PRPF38A: variants seen among roughly 807,000 people sequenced by gnomAD.
The protein encoded by PRPF38A is pre-mRNA processing factor 38A.
PRPF38A carries 11 observed loss-of-function variants against 46.8 expected under a neutral mutation model. The observed-to-expected ratio is 0.24, with a 90% CI of 0.15 to 0.39. The LOEUF is 0.39. Among genes scored for constraint, PRPF38A ranks in the 10% least tolerant of loss-of-function variants. The probability of loss-of-function intolerance (pLI) is 1.00; values close to 1 mark genes in which losing one functional copy is unlikely to be tolerated. For missense variants in PRPF38A, 261 were observed against 407.5 expected (o/e 0.64, Z 3.10); for synonymous variants, 124 against 136.2 (o/e 0.91, Z 0.62).
intron 9 of PRPF38A, among the ~76,000 whole-genome samples, chr1:52,415,609 C>T (rs1298087712): frequency 2.0e-5 from 3 of 152,050 alleles, no homozygotes; most frequent in African/African-American, 4.8e-5. Context: ...AGTGCAGTGG[C>T]GTGAACCTGG....
At position 52,418,879 on chromosome 1, in the gene PRPF38A, T is replaced by TA. The variant is rs765345285; in HGVS notation, c.*2190dup. Reference sequence around the variant, plus strand: ...GAGACAAATTTCAGGAAAGAATACTTACTATGCAAAGTGAATTCTGGTGTT... The same window carrying TA: ...GAGACAAATTTCAGGAAAGAATACTTAACTATGCAAAGTGAATTCTGGTGTT... On this transcript the variant is annotated 3_prime_UTR_variant, in exon 10 of 10. Transcript: ENST00000257181. 2.6e-5 allele frequency: 4 copies of TA among 152,262 alleles called. No individual in the cohort carries two copies. The South Asian group carries it at 6.2e-4, about 24-fold the overall frequency. The allele number at this position is 152,262 out of a possible 1,614,324, so 9.4% of individuals were successfully genotyped here.
At chr1:52,408,086 C>A (rs1342201044) in intron 2 of PRPF38A, among the ~76,000 whole-genome samples, 1 of 149,806 alleles carries the variant, frequency 6.7e-6, no homozygotes, top group South Asian at 2.1e-4. Flanking sequence ...AATAAAAATA[C>A]AAAAATTAGC....
intron 5 of PRPF38A, among the ~76,000 whole-genome samples, chr1:52,413,052 G>A (rs965991358): frequency 3.0e-4 from 46 of 152,166 alleles, no homozygotes; most frequent in African/African-American, 1.1e-3. Context: ...CTTATTAAAA[G>A]CACCTCAGCT....
intron 2 of PRPF38A, chr1:52,408,355 T>C: frequency 1.5e-6 from 1 of 684,818 alleles, no homozygotes; most frequent in Non-Finnish European, 2.7e-6. Context: ...ATATGTATGA[T>C]GTTCCCACAG....
rs138872234 is a variant in PRPF38A at position 52,413,040 on chromosome 1, T to A, written c.609+416T>A. On this transcript the variant is annotated intron_variant, in intron 5 of 9. Transcript: ENST00000257181. Reference sequence around the variant, plus strand: ...TCTAACTCTAGCCAAAAACAATATTTCCTTATTAAAAGCACCTCAGCTCTG... The same window carrying A: ...TCTAACTCTAGCCAAAAACAATATTACCTTATTAAAAGCACCTCAGCTCTG... 6.1e-3 allele frequency among the ~76,000 whole-genome samples: 929 copies of A among 152,290 alleles called. 11 individuals carry two copies. Among genetic ancestry groups the A allele is most frequent in the African/African-American group, 0.022 (898 of 41,550 alleles).
Position 52,416,921 on chromosome 1 carries a change from G to C in PRPF38A, c.*231G>C. The C allele has an allele frequency of 3.9e-6, 2 of 513,588 alleles. No homozygotes were observed. Among genetic ancestry groups the C allele is most frequent in the African/African-American group, 1.9e-5 (1 of 52,002 alleles). The allele number at this position is 513,588 out of a possible 1,614,324, so 31.8% of individuals were successfully genotyped here. A position where few individuals can be genotyped will look rare whatever the true frequency, so the allele number is the denominator to read the frequency against. On this transcript the variant is annotated 3_prime_UTR_variant, in exon 10 of 10. Transcript: ENST00000257181. The stretch of plus-strand genomic sequence containing the variant: ...CTTGACTGTATTCAAACTTATGAGA[G>C]TATAAAGGATCTGGAGGTTGGGGAT...
chr1:52,406,442 CAG>C (rs1648000481), intron 2 of PRPF38A, among the ~76,000 whole-genome samples: 1 of 152,174 alleles, frequency 6.6e-6, no homozygotes, highest in East Asian at 1.9e-4. Flanking sequence ...ACTGGACGCT[CAG>C]GGGTGAAAAT....
chr1:52,411,047 T>C, intron 3 of PRPF38A, 68 bp from the exon 4 acceptor site: 1 of 1,143,158 alleles, frequency 8.7e-7, no homozygotes, highest in Non-Finnish European at 1.3e-6. Flanking sequence ...GTCTTAACAC[T>C]TCTTTTACTT....
At position 52,414,521 on chromosome 1, in the gene PRPF38A, G is replaced by C. The variant is rs1648235685; in HGVS notation, c.723-100G>C. ...ACAAAAGACATGGATACAGAGGTGG[G>C]TGATACAGAGAAGCGTGAAGGATAA... is the stretch of plus-strand genomic sequence containing the variant. On this transcript the variant is annotated intron_variant, in intron 6 of 9. Coordinates refer to ENST00000257181, the MANE Select transcript of PRPF38A (RefSeq NM_032864.4). 6.6e-6 allele frequency: 8 copies of C among 1,217,492 alleles called. No individual in the cohort carries two copies. The South Asian group carries it at 1.0e-4, about 15-fold the overall frequency. 75.4% of individuals were successfully genotyped at this position (1,217,492 alleles called of 1,614,324 possible).
chr1:52,416,100 A>C (rs2147960026), intron 9 of PRPF38A, among the ~76,000 whole-genome samples: 1 of 151,964 alleles, frequency 6.6e-6, no homozygotes, highest in Admixed American at 6.5e-5. Flanking sequence ...CGGTCTCCCA[A>C]AGTGCTGGGA....
rs1252357131 is a variant in PRPF38A, at chr1:52,408,563, T to C, written c.291-6T>C. The stretch of plus-strand genomic sequence containing the variant: ...GCCTGTTGTTTCACTGTCATCTGTC[T>C]CTCAGGTATGTCCGCATGCTGGGGG... On this transcript the variant is annotated splice_region_variant and splice_polypyrimidine_tract_variant and intron_variant, in intron 2 of 9. Transcript: ENST00000257181. 1.2e-6 allele frequency: 2 copies of C among 1,614,152 alleles called. No individual in the cohort carries two copies. Among genetic ancestry groups the C allele is most frequent in the Non-Finnish European group, 1.7e-6 (2 of 1,179,990 alleles).
At chr1:52,406,031 C>T (rs768700884) in intron 2 of PRPF38A, among the ~76,000 whole-genome samples, 192 bp downstream of exon 2, 15 of 152,130 alleles carry the variant, frequency 9.9e-5, no homozygotes, top group Admixed American at 7.2e-4. Context: ...CTGTGTTGCC[C>T]AGGCTGGAGT....
rs986450841 is a variant in PRPF38A at position 52,414,339 on chromosome 1, A to G, written c.723-282A>G. Among the ~76,000 whole-genome samples the G allele has an allele frequency of 2.0e-5, 3 of 152,144 alleles. No individual in the cohort carries two copies. The East Asian group carries it at 5.8e-4, about 29-fold the overall frequency. ...TCCTCTAGCAGGCTAAGTTGGGCAT[A>G]TTCTCATGGTAGTGGCAGAACTCAA... On this transcript the variant is annotated intron_variant, in intron 6 of 9. Coordinates refer to ENST00000257181, the MANE Select transcript of PRPF38A (RefSeq NM_032864.4).
intron 1 of PRPF38A, 122 bp downstream of exon 1, chr1:52,405,001 C>T (rs1647934745): frequency 2.4e-6 from 3 of 1,239,284 alleles, no homozygotes; most frequent in African/African-American, 1.5e-5. Flanking sequence ...GTCGATCATT[C>T]AGAAAAATTT....
intron 2 of PRPF38A, among the ~76,000 whole-genome samples, chr1:52,407,646 TGTG>T (rs1359197849): frequency 6.6e-6 from 1 of 152,132 alleles, no homozygotes; most frequent in Non-Finnish European, 1.5e-5. Context: ...TATGGCCAGG[TGTG>T]GTGGCTCACA....
intron 1 of PRPF38A, 103 bp downstream of exon 1, chr1:52,404,982 A>G: frequency 7.2e-7 from 1 of 1,397,128 alleles, no homozygotes; most frequent in African/African-American, 1.4e-5. Flanking sequence ...TGGTACTGGA[A>G]CGGAGTATGT....
chr1:52,412,109 G>A (rs1042880132), intron 4 of PRPF38A, among the ~76,000 whole-genome samples: 9 of 152,094 alleles, frequency 5.9e-5, no homozygotes, highest in African/African-American at 1.9e-4. Context: ...AACAGCTCCC[G>A]AGATCCTGGG....
rs1181325070 is a variant in PRPF38A at position 52,414,116 on chromosome 1, G to A, written c.722+125G>A. 4.7e-6 allele frequency: 3 copies of A among 643,116 alleles called. No individual in the cohort carries two copies. In the African/African-American group the frequency reaches 5.5e-5, roughly 12 times the overall value. 39.8% of individuals were successfully genotyped at this position (643,116 alleles called of 1,614,324 possible). A position where few individuals can be genotyped will look rare whatever the true frequency, so the allele number is the denominator to read the frequency against. ...TTGCCCAATATATTAGTTATCTGTTGCTGCAAAACAACCACCTATAAAACC... is the reference window on the plus strand; with the variant it reads ...TTGCCCAATATATTAGTTATCTGTTACTGCAAAACAACCACCTATAAAACC... On this transcript the variant is annotated intron_variant, in intron 6 of 9. Coordinates refer to ENST00000257181, the MANE Select transcript of PRPF38A (RefSeq NM_032864.4).
In PRPF38A at chr1:52,405,859, G is replaced by A. The variant is rs1284080339; in HGVS notation, c.290+20G>A. 1 of 1,608,264 alleles carries A rather than the reference G, an allele frequency of 6.2e-7. No homozygotes were observed. The highest frequency in any genetic ancestry group is 8.5e-7 in the Non-Finnish European group (1 of 1,174,832). Reference sequence around the variant, plus strand: ...TTTCAAGTGAGTGCAATGTTCACTAGCTAATATAAGAGGTTTAATTTTGGC... The same window carrying A: ...TTTCAAGTGAGTGCAATGTTCACTAACTAATATAAGAGGTTTAATTTTGGC... On this transcript the variant is annotated intron_variant, in intron 2 of 9. Transcript: ENST00000257181.
Sources: gnomAD v4.1 joint callset for allele counts (sites outside exome capture counted in the v4.1 genomes callset) on GRCh38, gnomAD v4.1.1 for gene constraint, MANE v1.5 for transcripts, NCBI Gene and HGNC (gene_info 2026-07-23, HGNC 2026-07-21) for gene names.